Variants in PNOC observed in about 807,000 individuals in gnomAD.
PNOC encodes the protein nociceptin.
Under a neutral mutation model 15.6 loss-of-function variants are expected in PNOC, and 10 were observed. The observed-to-expected ratio is 0.64, with a 90% CI of 0.40 to 1.09. PNOC has a LOEUF of 1.09. Among genes scored for constraint, PNOC ranks in the 50% least tolerant of loss-of-function variants. PNOC has a pLI of 0.01. For synonymous variants in PNOC, 98 were observed against 88.5 expected (o/e 1.11, Z -0.60); for missense variants, 220 against 223.9 (o/e 0.98, Z 0.11).
At chr8:28,336,238 C>T (rs762847057) in intron 2 of PNOC, among the ~76,000 whole-genome samples, 1 of 152,268 alleles carries the variant, frequency 6.6e-6, no homozygotes. Context: ...GCAAGGGATT[C>T]ACACATGAGT....
At chr8:28,319,323 C>A (rs957544928) in intron 1 of PNOC, among the ~76,000 whole-genome samples, 1 of 152,060 alleles carries the variant, frequency 6.6e-6, no homozygotes, top group Non-Finnish European at 1.5e-5. Flanking sequence ...ACATGAGAAA[C>A]AATTAGAGGA....
chr8:28,338,964 G>C, intron 2 of PNOC, 76 bp from the exon 3 acceptor site: 1 of 1,340,920 alleles, frequency 7.5e-7, no homozygotes, highest in Non-Finnish European at 1.0e-6. Flanking sequence ...GGTGCAGTGG[G>C]CCAGATCTCC....
At position 28,339,476 on chromosome 8, in the gene PNOC, C is replaced by T; in HGVS notation, c.*32C>T. Reference sequence around the variant, plus strand: ...GGGGCGCTCCTCCCAGCTGTACCGGCCACTGCAACCCATGAGTGAGTTGGG... The same window carrying T: ...GGGGCGCTCCTCCCAGCTGTACCGGTCACTGCAACCCATGAGTGAGTTGGG... On this transcript the variant is annotated 3_prime_UTR_variant, in exon 3 of 4. Transcript: ENST00000301908. The T allele has an allele frequency of 2.7e-6, 4 of 1,504,032 alleles. No homozygotes were observed. The highest frequency in any genetic ancestry group is 3.5e-6 in the Non-Finnish European group (4 of 1,127,796). The allele number at this position is 1,504,032 out of a possible 1,614,324, so 93.2% of individuals were successfully genotyped here. A position where few individuals can be genotyped will look rare whatever the true frequency, so the allele number is the denominator to read the frequency against.
At chr8:28,323,549 C>G (rs1412952679) in intron 1 of PNOC, among the ~76,000 whole-genome samples, 2 of 152,212 alleles carry the variant, frequency 1.3e-5, no homozygotes, top group African/African-American at 4.8e-5. Context: ...ATCAATGTAA[C>G]AACAAACCTG....
At chr8:28,338,009 G>A (rs1422409848) in intron 2 of PNOC, among the ~76,000 whole-genome samples, 2 of 152,148 alleles carry the variant, frequency 1.3e-5, no homozygotes, top group African/African-American at 2.4e-5. Flanking sequence ...AGATGAATAC[G>A]GGCCAGTTGC....
chr8:28,318,062 TA>T (rs1299218924), intron 1 of PNOC, among the ~76,000 whole-genome samples: 1 of 152,056 alleles, frequency 6.6e-6, no homozygotes, highest in African/African-American at 2.4e-5. Context: ...CTCCCCCACC[TA>T]AAGGTCTTTG....
intron 2 of PNOC, among the ~76,000 whole-genome samples, chr8:28,330,305 C>A (rs1404878471): frequency 6.6e-6 from 1 of 151,812 alleles, no homozygotes; most frequent in Non-Finnish European, 1.5e-5. Context: ...TGAAACCAAT[C>A]CCCTGTGGAT....
At chr8:28,318,208 G>A (rs1801090910) in intron 1 of PNOC, among the ~76,000 whole-genome samples, 1 of 152,052 alleles carries the variant, frequency 6.6e-6, no homozygotes, top group African/African-American at 2.4e-5. Context: ...TCACTACCCA[G>A]CCCCTCCTCC....
intron 2 of PNOC, among the ~76,000 whole-genome samples, chr8:28,330,391 A>ATTTTTTT (rs200641227): frequency 2.5e-4 from 19 of 76,076 alleles, no homozygotes; most frequent in Admixed American, 5.0e-4. Context: ...ATTTTATTTT[A>ATTTTTTT]TTTTATTTTT....
intron 2 of PNOC, among the ~76,000 whole-genome samples, chr8:28,334,900 T>C (rs528563140): frequency 6.6e-6 from 1 of 152,316 alleles, no homozygotes; most frequent in South Asian, 2.1e-4. Context: ...ATCAGTAACA[T>C]TGCAGGTGTG....
intron 1 of PNOC, among the ~76,000 whole-genome samples, chr8:28,326,175 G>A (rs918055370): frequency 3.3e-5 from 5 of 151,652 alleles, no homozygotes; most frequent in Non-Finnish European, 5.9e-5. Flanking sequence ...AACATGGCGA[G>A]ACCTCATTTC....
intron 3 of PNOC, chr8:28,339,951 T>C (rs1248759124): frequency 6.6e-6 from 1 of 152,458 alleles, no homozygotes. Flanking sequence ...GGCTTACCTA[T>C]CCCCTCTCCT....
chr8:28,330,400 T>TTTTTATTTTTTTTTTTTTA (rs1698584407), intron 2 of PNOC, among the ~76,000 whole-genome samples: 64 of 102,248 alleles, frequency 6.3e-4, no homozygotes, highest in Non-Finnish European at 1.2e-3. Context: ...TATTTTATTT[T>TTTTTATTTTTTTTTTTTTA]TTTTTTTTTT....
rs746314883 is a variant in PNOC, at chr8:28,335,989, A to AAGGGTGGCAGC, written c.127-3044_127-3034dup. Reference sequence around the variant, plus strand: ...GGACAGATGAGTAATCAGATAAGCAAAGGGTGGCAGCAGGGTGACAGGAGC... The same window carrying AAGGGTGGCAGC: ...GGACAGATGAGTAATCAGATAAGCAAAGGGTGGCAGCAGGGTGGCAGCAGGGTGACAGGAGC... On this transcript the variant is annotated intron_variant, in intron 2 of 3. Coordinates refer to ENST00000301908, the MANE Select transcript of PNOC (RefSeq NM_006228.5). Among the ~76,000 whole-genome samples, 341 of 144,902 alleles carry AAGGGTGGCAGC rather than the reference A, an allele frequency of 2.4e-3. 4 individuals are homozygous for AAGGGTGGCAGC. The highest frequency in any genetic ancestry group is 1.2e-3 in the Non-Finnish European group (75 of 63,812).
chr8:28,329,188 C>T lies in PNOC; in HGVS notation c.31C>T (p.Leu11Phe). The change falls in exon 2 of 4, where the codon CTC becomes TTC. Residue 11 changes from leucine (L) to phenylalanine (F), a missense_variant. Coordinates refer to ENST00000301908, the MANE Select transcript of PNOC (RefSeq NM_006228.5). ...AGTCCTGCTTTGTGACCTGCTGCTG[C>T]TCAGTCTCTTCTCCAGTGTGTTCAG... MKVLLCDLLL[L>F]SLFSSVFSSC... The T allele has an allele frequency of 1.2e-6, 2 of 1,614,012 alleles. No homozygotes were observed. Among genetic ancestry groups the T allele is most frequent in the Non-Finnish European group, 1.7e-6 (2 of 1,180,018 alleles).
intron 3 of PNOC, among the ~76,000 whole-genome samples, chr8:28,342,301 C>T (rs1801533714): frequency 6.9e-6 from 1 of 144,480 alleles, no homozygotes; most frequent in Admixed American, 7.3e-5. Context: ...TGCAGTGAGC[C>T]GAGATTGTGC....
At chr8:28,342,640 C>T (rs1426709295) in intron 3 of PNOC, among the ~76,000 whole-genome samples, 2 of 152,230 alleles carry the variant, frequency 1.3e-5, no homozygotes, top group African/African-American at 4.8e-5. Context: ...AACAAGGGCA[C>T]TATTTCGCAT....
chr8:28,330,401 T>A (rs7812538), intron 2 of PNOC, among the ~76,000 whole-genome samples: 449 of 41,614 alleles, frequency 0.011, 3 homozygotes, highest in East Asian at 0.023. Flanking sequence ...ATTTTATTTT[T>A]TTTTTTTTTT....
intron 2 of PNOC, among the ~76,000 whole-genome samples, chr8:28,330,644 A>T (rs967594123): frequency 8.1e-6 from 1 of 124,198 alleles, no homozygotes; most frequent in Non-Finnish European, 1.8e-5. Flanking sequence ...CTCATGATCC[A>T]CCCGCCTCAG....
Sources: allele counts gnomAD v4.1 joint callset (sites outside exome capture counted in the v4.1 genomes callset), GRCh38; gene constraint gnomAD v4.1.1; transcripts MANE v1.5; gene names NCBI Gene and HGNC (gene_info 2026-07-23, HGNC 2026-07-21).